Variants in STAC2 observed in about 807,000 individuals in gnomAD.
The protein encoded by STAC2 is SH3 and cysteine-rich domain-containing protein 2.
Under a neutral mutation model 49.0 loss-of-function variants are expected in STAC2, and 36 were observed. The observed-to-expected ratio is 0.74, with a 90% CI of 0.56 to 0.97. The LOEUF (loss-of-function observed/expected upper bound fraction) is 0.97. Among genes scored for constraint, STAC2 ranks in the 50% least tolerant of loss-of-function variants. The pLI, the probability that STAC2 is intolerant of heterozygous loss-of-function variation, is 0.00. For missense variants in STAC2, 527 were observed against 543.8 expected, an observed-to-expected ratio of 0.97 and a Z score of 0.31; for synonymous variants, 239 against 214.7, an observed-to-expected ratio of 1.11 and a Z score of -0.99.
At chr17:39,212,487 G>C in intron 10 of STAC2, 91 bp from the exon 11 acceptor site, 1 of 906,844 alleles carries the variant, frequency 1.1e-6, no homozygotes, top group Admixed American at 2.2e-5. Flanking sequence ...CCCACCCTGG[G>C]GGATGATGGG....
chr17:39,213,579 G>A (rs1282630631), intron 8 of STAC2, 21 bp from the exon 9 acceptor site: 4 of 1,613,162 alleles, frequency 2.5e-6, no homozygotes, highest in East Asian at 2.2e-5. Flanking sequence ...CAGAGCTAGG[G>A]TTGCATATGG....
At position 39,214,982 on chromosome 17, in the gene STAC2, G is replaced by C; in HGVS notation, c.741C>G (p.Ile247Met). The C allele has an allele frequency of 6.2e-7, 1 of 1,614,070 alleles. No individual in the cohort carries two copies. Reference sequence around the variant, plus strand: ...CACCAGGCCCCTCCTCAGAGCTGCGGATGCTGCCTTCCCCATCCTCGGTCA... The same window carrying C: ...CACCAGGCCCCTCCTCAGAGCTGCGCATGCTGCCTTCCCCATCCTCGGTCA... ...DELTEDGEGS[I>M]RSSEEGPGDS... is the part of the protein sequence containing the mutation. Residue 247 changes from isoleucine to methionine, a missense_variant, in exon 6 of 11, where the codon ATC (isoleucine) becomes ATG (methionine). By Grantham distance (10) the Ile-to-Met change is conservative. Coordinates refer to ENST00000333461, the MANE Select transcript of STAC2 (RefSeq NM_198993.5).
intron 9 of STAC2, 26 bp downstream of exon 9, chr17:39,213,481 C>T: frequency 2.5e-6 from 4 of 1,613,488 alleles, no homozygotes; most frequent in Non-Finnish European, 3.4e-6. Flanking sequence ...ACCAGTGTCC[C>T]TCCACTCCCC....
chr17:39,212,946 C>T, intron 10 of STAC2, 49 bp downstream of exon 10: 1 of 1,603,352 alleles, frequency 6.2e-7, no homozygotes. Context: ...TCTCCCCCGC[C>T]CACTCCCTCC....
chr17:39,218,505 G>T (rs1333138230), intron 1 of STAC2, among the ~76,000 whole-genome samples: 4 of 152,182 alleles, frequency 2.6e-5, no homozygotes, highest in Non-Finnish European at 4.4e-5. Flanking sequence ...TGAGGCTGTT[G>T]CCAGGTTTTC....
intron 1 of STAC2, among the ~76,000 whole-genome samples, chr17:39,218,442 G>T (rs1387975324): frequency 2.0e-5 from 3 of 152,228 alleles, no homozygotes; most frequent in African/African-American, 7.2e-5. Flanking sequence ...GAGCCGTGGG[G>T]ACTGTGGCAA....
rs748113557 is a variant in STAC2, at chr17:39,216,874, A to T, written c.522T>A (p.Ser174Arg). 1.4e-5 allele frequency: 23 copies of T among 1,604,706 alleles called. No homozygotes were observed. The highest frequency in any genetic ancestry group is 1.9e-5 in the Non-Finnish European group (22 of 1,175,796). ...GCGGCTCATGCACCAGGAGAGGGGAACTGAAGTTGCGGCGGAAGGAGGTGG... is the reference window on the plus strand; with the variant it reads ...GCGGCTCATGCACCAGGAGAGGGGATCTGAAGTTGCGGCGGAAGGAGGTGG... ...KTSTSFRRNF[S>R]SPLLVHEPPP... The change falls in exon 4 of 11, where the codon AGT becomes AGA. Residue 174 changes from serine (S) to arginine (R), a missense_variant. By Grantham distance (110) the Ser-to-Arg change is moderately radical. Transcript: ENST00000333461.
chr17:39,217,733 A>G (rs1269784827), intron 2 of STAC2, 134 bp downstream of exon 2: 3 of 881,326 alleles, frequency 3.4e-6, no homozygotes, highest in African/African-American at 1.7e-5. Flanking sequence ...AAAAAAAAAA[A>G]GAGGCACAGA....
Position 39,212,087 on chromosome 17 carries a change from CAGAGGAT to C in STAC2, c.*198_*204del. On this transcript the variant is annotated 3_prime_UTR_variant, in exon 11 of 11. Coordinates refer to ENST00000333461, the MANE Select transcript of STAC2 (RefSeq NM_198993.5). Reference sequence around the variant, plus strand: ...ACCCCACCCCATCCCCGCCAAGTCCCAGAGGATCAACCCACTCAGGGCACCCCACCCA... The same window carrying C: ...ACCCCACCCCATCCCCGCCAAGTCCCCAACCCACTCAGGGCACCCCACCCA... The C allele has an allele frequency of 3.6e-6, 1 of 278,546 alleles. No individual in the cohort carries two copies. The highest frequency in any genetic ancestry group is 6.9e-6 in the Non-Finnish European group (1 of 144,436). The allele number at this position is 278,546 out of a possible 1,614,324, so 17.3% of individuals were successfully genotyped here. A position where few individuals can be genotyped will look rare whatever the true frequency, so the allele number is the denominator to read the frequency against.
At chr17:39,214,166 C>T (rs2046379480) in intron 8 of STAC2, 67 bp downstream of exon 8, 1 of 1,572,366 alleles carries the variant, frequency 6.4e-7, no homozygotes, top group African/African-American at 1.3e-5. Flanking sequence ...AGGCCCCCCT[C>T]ACACTGTGTT....
intron 7 of STAC2, 40 bp downstream of exon 7, chr17:39,214,750 TC>T: frequency 6.2e-7 from 1 of 1,608,066 alleles, no homozygotes; most frequent in Non-Finnish European, 8.5e-7. Context: ...TACACCCGCT[TC>T]CCACCCTGAC....
At position 39,215,137 on chromosome 17, in the gene STAC2, T is replaced by C. The variant is rs765979231; in HGVS notation, c.680A>G (p.Glu227Gly). 16 of 1,613,998 alleles carry C rather than the reference T, an allele frequency of 9.9e-6. No homozygotes were observed. The highest frequency in any genetic ancestry group is 4.4e-5 in the South Asian group (4 of 91,066). The change falls in exon 5 of 11, where the codon GAG (glutamate) becomes GGG (glycine). Residue 227 changes from glutamate (E) to glycine (G), a missense_variant. Transcript: ENST00000333461. ...MNRSSFSSTSESPTRSLSERD... is the reference protein window; with the variant it reads ...MNRSSFSSTSGSPTRSLSERD... ...CCATACCAGGCTCCTTGTCGGGGAC[T>C]CAGAGGTGCTGCTGAAACTGGAGCG...
chr17:39,216,012 CCT>C (rs2046398861), intron 4 of STAC2, among the ~76,000 whole-genome samples: 1 of 152,094 alleles, frequency 6.6e-6, no homozygotes, highest in African/African-American at 2.4e-5. Context: ...TCTTTAACTC[CCT>C]GTCCTTCCTT....
chr17:39,212,403 C>T lies in STAC2; in HGVS notation c.1132-7G>A, dbSNP rs1188029274. ...TGCCCACGCCCACGCAGATCTGAGC[C>T]AGAGAGACATGGAGCTGAGGCCTGG... On this transcript the variant is annotated splice_region_variant and splice_polypyrimidine_tract_variant and intron_variant, in intron 10 of 10. Transcript: ENST00000333461. 7.5e-6 allele frequency: 12 copies of T among 1,600,926 alleles called. No individual in the cohort carries two copies. Among genetic ancestry groups the T allele is most frequent in the South Asian group, 1.1e-5 (1 of 89,058 alleles).
In STAC2 at chr17:39,225,392, GC is replaced by G. The variant is rs769752488; in HGVS notation, c.90+20del. 24 of 1,590,158 alleles carry G rather than the reference GC, an allele frequency of 1.5e-5. No homozygotes were observed. The highest frequency in any genetic ancestry group is 2.0e-5 in the Non-Finnish European group (24 of 1,171,970). On this transcript the variant is annotated intron_variant, in intron 1 of 10. Transcript: ENST00000333461. This position sits in a 1 kb window ranked among gnomAD's most constrained non-coding sequence, Gnocchi z 8.2. ...GCGCCCGGGCCCGGGGCGCGGACAG[GC>G]CTTGCGCCCCCCAAGTTACCTTGGT...
chr17:39,218,134 G>C lies in STAC2; in HGVS notation c.130C>G (p.Leu44Val). 2.5e-6 allele frequency: 4 copies of C among 1,613,588 alleles called. No homozygotes were observed. Among genetic ancestry groups the C allele is most frequent in the Non-Finnish European group, 3.4e-6 (4 of 1,180,036 alleles). Residue 44 changes from leucine (L) to valine (V), a missense_variant, in exon 2 of 11, where the codon CTC becomes GTC. Physicochemically the swap from Leu to Val is conservative, Grantham distance 32. Transcript: ENST00000333461. The stretch of plus-strand genomic sequence containing the variant: ...AAGTTCTCCAAGCTCTTACTTCGGA[G>C]GATGGTCTTGAGGGAGAGGGAGCGC... ...FKRSLSLKTI[L>V]RSKSLENFFL...
intron 2 of STAC2, 65 bp from the exon 3 acceptor site, chr17:39,217,238 A>G: frequency 6.6e-7 from 1 of 1,510,724 alleles, no homozygotes; most frequent in African/African-American, 1.4e-5. Context: ...GGAGGGGCAC[A>G]TTAGGGGATG....
intron 1 of STAC2, among the ~76,000 whole-genome samples, chr17:39,218,655 T>C (rs1465814271): frequency 6.6e-6 from 1 of 152,182 alleles, no homozygotes; most frequent in Non-Finnish European, 1.5e-5. Flanking sequence ...CAGTAAATCT[T>C]GGAAATCATT....
intron 7 of STAC2, 31 bp downstream of exon 7, chr17:39,214,760 A>T (rs1435376256): frequency 2.5e-6 from 4 of 1,611,234 alleles, no homozygotes; most frequent in Middle Eastern, 3.3e-4. Context: ...TCCCACCCTG[A>T]CCTTCCGGGC....
Sources: allele counts gnomAD v4.1 joint callset (sites outside exome capture counted in the v4.1 genomes callset), GRCh38; gene constraint gnomAD v4.1.1; non-coding constraint Gnocchi (gnomAD v3.1); transcripts MANE v1.5; gene names NCBI Gene and HGNC (gene_info 2026-07-23, HGNC 2026-07-21).